Variants in STAP1 observed in about 807,000 individuals in gnomAD.
STAP1 encodes signal-transducing adaptor protein 1.
In STAP1, 30 loss-of-function variants were observed where a neutral mutation model predicts 37.8. That is an observed-to-expected ratio of 0.79 (90% CI 0.59 to 1.08). STAP1 has a LOEUF of 1.08. Ranked by LOEUF, STAP1 falls within the 50% of genes least tolerant of loss-of-function variation. The probability of loss-of-function intolerance (pLI) is 0.00; values close to 1 mark genes in which losing one functional copy is unlikely to be tolerated. For synonymous variants in STAP1, 130 were observed against 116.0 expected (o/e 1.12, Z -0.78); for missense variants, 357 against 349.4 (o/e 1.02, Z -0.17).
intron 8 of STAP1, among the ~76,000 whole-genome samples, chr4:67,595,164 T>C (rs999733271): frequency 6.6e-6 from 1 of 152,090 alleles, no homozygotes; most frequent in Non-Finnish European, 1.5e-5. Flanking sequence ...AGATCTATGA[T>C]ACATTTTGAA....
chr4:67,593,902 C>A lies in STAP1; in HGVS notation c.826+546C>A, dbSNP rs563572988. 9.2e-5 allele frequency among the ~76,000 whole-genome samples: 14 copies of A among 152,226 alleles called. No homozygotes were observed. The South Asian group carries it at 2.9e-3, about 32-fold the overall frequency. On this transcript the variant is annotated intron_variant, in intron 8 of 8. Transcript: ENST00000265404. The stretch of plus-strand genomic sequence containing the variant: ...TTACAGATAAAGATTGTAGCTAGGA[C>A]CAGCTACAGAATTTGCCAGCCCCTT...
At chr4:67,568,915 A>G (rs773740142) in intron 1 of STAP1, among the ~76,000 whole-genome samples, 3 of 152,218 alleles carry the variant, frequency 2.0e-5, no homozygotes, top group African/African-American at 4.8e-5. Context: ...AAAAGTCTTA[A>G]ATCAATGAGG....
intron 1 of STAP1, among the ~76,000 whole-genome samples, chr4:67,565,755 C>T (rs1301506128): frequency 6.6e-6 from 1 of 151,650 alleles, no homozygotes; most frequent in Non-Finnish European, 1.5e-5. Context: ...ATTTTTGGTT[C>T]CTTAAAGTAA....
At chr4:67,592,366 TA>T (rs1324755882) in intron 7 of STAP1, among the ~76,000 whole-genome samples, 2 of 152,212 alleles carry the variant, frequency 1.3e-5, no homozygotes, top group Non-Finnish European at 2.9e-5. Flanking sequence ...AATATTAGTT[TA>T]GGGGTAGAGA....
At chr4:67,579,961 G>C (rs962074805) in intron 4 of STAP1, among the ~76,000 whole-genome samples, 1 of 152,094 alleles carries the variant, frequency 6.6e-6, no homozygotes, top group Non-Finnish European at 1.5e-5. Context: ...CGCCTCCCAG[G>C]TTTAAGCAAT....
intron 8 of STAP1, among the ~76,000 whole-genome samples, chr4:67,602,126 A>G (rs1728356399): frequency 6.6e-6 from 1 of 151,592 alleles, no homozygotes; most frequent in Non-Finnish European, 1.5e-5. Context: ...ATTCTGCCCT[A>G]TTGAGAGATT....
chr4:67,565,577 T>C (rs923676017), intron 1 of STAP1, among the ~76,000 whole-genome samples: 1 of 152,194 alleles, frequency 6.6e-6, no homozygotes, highest in African/African-American at 2.4e-5. Flanking sequence ...TTTTCTTTTC[T>C]TTTCTTTTTT....
intron 2 of STAP1, among the ~76,000 whole-genome samples, 192 bp downstream of exon 2, chr4:67,571,347 G>A (rs1054407955): frequency 1.1e-4 from 16 of 152,274 alleles, no homozygotes; most frequent in African/African-American, 2.4e-4. Flanking sequence ...GGGCAATTCC[G>A]AAGAAGATAT....
chr4:67,598,702 CA>C (rs1728275500), intron 8 of STAP1, among the ~76,000 whole-genome samples: 1 of 152,156 alleles, frequency 6.6e-6, no homozygotes, highest in Non-Finnish European at 1.5e-5. Flanking sequence ...GTGTAGTTTG[CA>C]AATATTTTCT....
chr4:67,590,944 G>A lies in STAP1; in HGVS notation c.720G>A (p.Leu240=). ...TAGGACAAAACTACACTATTGAACT[G>A]GAAAAACCTGTAAGTAACTATTTTT... ...MSVGQNYTIE[L]EKPVTLPNLF... is the part of the protein sequence containing the mutation. Residue 240 remains leucine (L), a synonymous_variant, in exon 7 of 9, where the codon CTG becomes CTA. Transcript: ENST00000265404. 2 of 1,610,184 alleles carry A rather than the reference G, an allele frequency of 1.2e-6. No homozygotes were observed. The highest frequency in any genetic ancestry group is 1.7e-6 in the Non-Finnish European group (2 of 1,178,004).
chr4:67,597,649 C>A (rs1231804062), intron 8 of STAP1, among the ~76,000 whole-genome samples: 1 of 152,228 alleles, frequency 6.6e-6, no homozygotes, highest in Admixed American at 6.5e-5. Flanking sequence ...CCACCCCTTG[C>A]ATCAGTGTGC....
intron 8 of STAP1, among the ~76,000 whole-genome samples, chr4:67,604,205 C>T (rs371550973): frequency 9.2e-5 from 14 of 152,220 alleles, no homozygotes; most frequent in African/African-American, 3.1e-4. Flanking sequence ...TTCCTAAGCA[C>T]ACAGATTCTC....
At chr4:67,575,583 T>G (rs1226054055) in intron 3 of STAP1, 85 bp downstream of exon 3, 3 of 986,822 alleles carry the variant, frequency 3.0e-6, no homozygotes, top group East Asian at 2.6e-5. Context: ...AAAGAGAAAT[T>G]GTAAGACAGG....
At chr4:67,562,753 C>T (rs1002923852) in intron 1 of STAP1, among the ~76,000 whole-genome samples, 1 of 151,860 alleles carries the variant, frequency 6.6e-6, no homozygotes, top group Non-Finnish European at 1.5e-5. Flanking sequence ...ACCTGGGCAA[C>T]AGAGGGAGAC....
At chr4:67,586,840 C>G (rs1170654928) in intron 6 of STAP1, among the ~76,000 whole-genome samples, 1 of 152,158 alleles carries the variant, frequency 6.6e-6, no homozygotes, top group Non-Finnish European at 1.5e-5. Context: ...TAATCATTCT[C>G]CCCCTGCAAA....
At position 67,575,463 on chromosome 4, in the gene STAP1, A is replaced by C. The variant is rs763002560; in HGVS notation, c.271A>C (p.Thr91Pro). Reference protein sequence around the residue: ...NSTEKNCAKFTLVLPKEEVQL... With the variant: ...NSTEKNCAKFPLVLPKEEVQL... ...AACTGAAAAGAACTGTGCGAAATTC[A>C]CCCTTGTTTTGCCGAAAGAGGAAGT... The change falls in exon 3 of 9, where the codon ACC becomes CCC. Residue 91 changes from threonine (T) to proline (P), a missense_variant. Coordinates refer to ENST00000265404, the MANE Select transcript of STAP1 (RefSeq NM_012108.4). The C allele has an allele frequency of 8.1e-6, 13 of 1,611,530 alleles. No homozygotes were observed. The highest frequency in any genetic ancestry group is 1.1e-5 in the Non-Finnish European group (13 of 1,179,112).
At chr4:67,594,238 G>T (rs1728178206) in intron 8 of STAP1, among the ~76,000 whole-genome samples, 1 of 152,080 alleles carries the variant, frequency 6.6e-6, no homozygotes, top group Non-Finnish European at 1.5e-5. Context: ...TATCTGCATT[G>T]GGGCATATCT....
chr4:67,564,819 G>A (rs896222659), intron 1 of STAP1, among the ~76,000 whole-genome samples: 2 of 152,090 alleles, frequency 1.3e-5, no homozygotes, highest in Non-Finnish European at 1.5e-5. Context: ...AGGCTGAGGT[G>A]GGAGAATGGC....
At chr4:67,562,054 G>C (rs1195017928) in intron 1 of STAP1, among the ~76,000 whole-genome samples, 1 of 93,590 alleles carries the variant, frequency 1.1e-5, no homozygotes, top group East Asian at 3.6e-4. Flanking sequence ...CCTGGCAATA[G>C]AGCGAGACTC....
Sources: gnomAD v4.1 joint callset for allele counts (sites outside exome capture counted in the v4.1 genomes callset) on GRCh38, gnomAD v4.1.1 for gene constraint, MANE v1.5 for transcripts, NCBI Gene and HGNC (gene_info 2026-07-23, HGNC 2026-07-21) for gene names.